SNED1: variants seen among roughly 807,000 people sequenced by gnomAD.
The protein encoded by SNED1 is sushi, nidogen and EGF like domains 1, also known as sushi, nidogen and EGF-like domain-containing protein 1.
Under a neutral mutation model 166.7 loss-of-function variants are expected in SNED1, and 81 were observed. The ratio of observed to expected loss-of-function variants is 0.49; its 90% confidence interval spans 0.41 to 0.58. SNED1 has a LOEUF of 0.58. Among genes scored for constraint, SNED1 ranks in the 20% least tolerant of loss-of-function variants. SNED1 has a pLI of 0.00. For missense variants in SNED1, 1,604 were observed against 2,000.2 expected, an observed-to-expected ratio of 0.80 and a Z score of 3.78; for synonymous variants, 762 against 822.0, an observed-to-expected ratio of 0.93 and a Z score of 1.25.
chr2:241,063,856 G>C (rs1330065222), intron 18 of SNED1, among the ~76,000 whole-genome samples, 156 bp downstream of exon 18: 2 of 151,982 alleles, frequency 1.3e-5, no homozygotes. Flanking sequence ...GTGGAGGTGA[G>C]GGTGCTGGGG....
chr2:241,044,848 T>C (rs2061608545), intron 8 of SNED1, among the ~76,000 whole-genome samples: 1 of 152,162 alleles, frequency 6.6e-6, no homozygotes, highest in Non-Finnish European at 1.5e-5. Context: ...ATGCCATCAT[T>C]ATAAAAGTGG....
intron 1 of SNED1, chr2:241,010,329 G>A (rs1574853244): frequency 6.6e-6 from 1 of 152,398 alleles, no homozygotes; most frequent in South Asian, 2.1e-4. Flanking sequence ...AGGCTCCCCA[G>A]ACGCTTCAGC....
chr2:241,073,749 G>C lies in SNED1; in HGVS notation c.3916+385G>C, dbSNP rs2062867432. 1 of 387,562 alleles carries C rather than the reference G, an allele frequency of 2.6e-6. No individual in the cohort carries two copies. Among genetic ancestry groups the C allele is most frequent in the Admixed American group, 4.1e-5 (1 of 24,562 alleles). The allele number at this position is 387,562 out of a possible 1,614,324, so 24.0% of individuals were successfully genotyped here. The stretch of plus-strand genomic sequence containing the variant: ...AGAGGAGCAGGCGGAGTCAGGATGG[G>C]AGAAGCAGAGGGAGCAGCCACTGGG... On this transcript the variant is annotated intron_variant, in intron 27 of 31. Coordinates refer to ENST00000310397, the MANE Select transcript of SNED1 (RefSeq NM_001080437.3). The surrounding 1 kb of genome is among the most constrained non-coding windows in gnomAD (Gnocchi z 6.6).
chr2:241,028,600 A>G (rs1041127725), intron 1 of SNED1, among the ~76,000 whole-genome samples: 2 of 152,206 alleles, frequency 1.3e-5, no homozygotes, highest in African/African-American at 2.4e-5. Flanking sequence ...TTGATTATAT[A>G]TCGAAGGCTT....
rs1219174107 is a variant in SNED1, at chr2:240,999,249, G to A, written c.213+199G>A. 6.7e-6 allele frequency among the ~76,000 whole-genome samples: 1 copy of A among 150,096 alleles called. No homozygotes were observed. Among genetic ancestry groups the A allele is most frequent in the Non-Finnish European group, 1.5e-5 (1 of 67,264 alleles). ...CGGGAGAGGCGCGCGGGCGGGGCGG[G>A]GGCGGCAGCCGCCGGGCACCGAGGC... On this transcript the variant is annotated intron_variant, in intron 1 of 31. Coordinates refer to ENST00000310397, the MANE Select transcript of SNED1 (RefSeq NM_001080437.3). The surrounding 1 kb of genome is among the most constrained non-coding windows in gnomAD (Gnocchi z 5.8).
At chr2:241,072,427 TTGGCAGGAGTGAGGCAGGCG>T in intron 26 of SNED1, 1 of 359,120 alleles carries the variant, frequency 2.8e-6, no homozygotes, top group East Asian at 7.4e-5. Flanking sequence ...CTGAGACATG[TTGGCAGGAGTGAGGCAGGCG>T]CGACCCTGCC....
At chr2:241,063,532 T>C (rs753220539) in intron 17 of SNED1, 55 bp from the exon 18 acceptor site, 1 of 1,166,394 alleles carries the variant, frequency 8.6e-7, no homozygotes, top group Non-Finnish European at 1.3e-6. Context: ...CCTGGGGGCA[T>C]GTGGGCGCCT....
chr2:241,090,029 C>G lies in SNED1; in HGVS notation c.*2-1609C>G, dbSNP rs573988776. On this transcript the variant is annotated intron_variant, in intron 31 of 31. Transcript: ENST00000310397. The stretch of plus-strand genomic sequence containing the variant: ...GGAATGCGCAGGACTGGCAGTTGCA[C>G]AATAATAAATTAGTCCTGCAATAAG... 822 of 1,547,406 alleles carry G rather than the reference C, an allele frequency of 5.3e-4. 7 individuals carry two copies. Among genetic ancestry groups the G allele is most frequent in the Non-Finnish European group, 6.9e-5 (79 of 1,145,312 alleles).
chr2:241,083,078 A>AGTGTGGT (rs975841529), intron 29 of SNED1, among the ~76,000 whole-genome samples: 1 of 152,104 alleles, frequency 6.6e-6, no homozygotes, highest in Non-Finnish European at 1.5e-5. Context: ...CAGCAGTGAG[A>AGTGTGGT]GTGTGGTGTG....
At chr2:241,028,907 G>A (rs2061069000) in intron 1 of SNED1, among the ~76,000 whole-genome samples, 1 of 151,868 alleles carries the variant, frequency 6.6e-6, no homozygotes, top group Admixed American at 6.5e-5. Flanking sequence ...ATTATTTTTG[G>A]CTGTGTCCTG....
At chr2:241,036,217 C>T (rs1047039310) in intron 4 of SNED1, among the ~76,000 whole-genome samples, 5 of 151,794 alleles carry the variant, frequency 3.3e-5, no homozygotes, top group Non-Finnish European at 5.9e-5. Flanking sequence ...GGTGCCGCGA[C>T]GAAGGAGGCC....
At chr2:241,035,430 C>G (rs951162249) in intron 4 of SNED1, 6 of 152,416 alleles carry the variant, frequency 3.9e-5, no homozygotes, top group African/African-American at 1.4e-4. Flanking sequence ...AGCCTTAGCC[C>G]TGCTGCTGTG....
In SNED1 at chr2:241,088,394, A is replaced by C; in HGVS notation, c.4235A>C (p.Lys1412Thr). 1 of 1,612,290 alleles carries C rather than the reference A, an allele frequency of 6.2e-7. No homozygotes were observed. The highest frequency in any genetic ancestry group is 8.5e-7 in the Non-Finnish European group (1 of 1,178,378). Residue 1412 changes from lysine to threonine, a missense_variant, in exon 31 of 32, where the codon AAA becomes ACA. Around this residue, in one of 2 missense-constraint regions of SNED1, gnomAD observed 367 missense variants for 379.4 expected, o/e 0.97. Transcript: ENST00000310397. ...CAAAGTAAGAGTCAGACACTGGAGA[A>C]ATCTTAAGGTACGTCCCTGCTGCTC... is the stretch of plus-strand genomic sequence containing the variant. The part of the protein sequence containing the change: ...RKQSKSQTLE[K>T]S
intron 24 of SNED1, 55 bp from the exon 25 acceptor site, chr2:241,071,521 G>A (rs758611481): frequency 2.6e-6 from 4 of 1,546,768 alleles, no homozygotes; most frequent in Middle Eastern, 2.0e-4. Flanking sequence ...ACAGGGGCAG[G>A]GACAGGAGCA....
intron 31 of SNED1, 54 bp downstream of exon 31, chr2:241,088,456 G>A (rs2063696718): frequency 7.6e-6 from 11 of 1,443,696 alleles, no homozygotes; most frequent in Admixed American, 1.7e-5. Flanking sequence ...GAAGTGGGGG[G>A]CGACTGCCCA....
intron 1 of SNED1, among the ~76,000 whole-genome samples, chr2:241,027,738 T>C (rs1031789876): frequency 6.6e-6 from 1 of 151,388 alleles, no homozygotes; most frequent in Admixed American, 6.6e-5. Flanking sequence ...CTTCTGTTTT[T>C]TTTTTTTTTT....
chr2:241,023,486 A>AG (rs2060829031), intron 1 of SNED1, among the ~76,000 whole-genome samples: 1 of 145,020 alleles, frequency 6.9e-6, no homozygotes, highest in South Asian at 2.3e-4. Context: ...ATATGTGGTA[A>AG]AAAAAAAAAT....
Position 241,069,168 on chromosome 2 carries a change from G to A in SNED1, c.3307+145G>A. On this transcript the variant is annotated intron_variant, in intron 23 of 31. Transcript: ENST00000310397. The surrounding 1 kb of genome is among the most constrained non-coding windows in gnomAD (Gnocchi z 4.9). ...CCTCCCAGATGTCTCTTCCGCTGGG[G>A]CCACTGGGCAGGAGCCGCTGGGCTG... is the stretch of plus-strand genomic sequence containing the variant. The A allele has an allele frequency of 1.6e-6, 1 of 616,232 alleles. No homozygotes were observed. Among genetic ancestry groups the A allele is most frequent in the South Asian group, 2.0e-5 (1 of 49,580 alleles). The allele number at this position is 616,232 out of a possible 1,614,324, so 38.2% of individuals were successfully genotyped here. A position where few individuals can be genotyped will look rare whatever the true frequency, so the allele number is the denominator to read the frequency against.
At chr2:241,042,370 TAAAG>T (rs895342028) in intron 8 of SNED1, among the ~76,000 whole-genome samples, 2 of 152,126 alleles carry the variant, frequency 1.3e-5, no homozygotes, top group African/African-American at 4.8e-5. Flanking sequence ...TAACAGATCT[TAAAG>T]AAAGCTTAAA....
Sources: gnomAD v4.1 joint callset for allele counts (sites outside exome capture counted in the v4.1 genomes callset) on GRCh38, gnomAD v4.1.1 for gene constraint, gnomAD v4.1.1 regional missense constraint, Gnocchi (gnomAD v3.1) non-coding constraint, MANE v1.5 for transcripts, NCBI Gene and HGNC (gene_info 2026-07-23, HGNC 2026-07-21) for gene names.